Variants in LAMA2 observed in about 807,000 individuals in gnomAD.
LAMA2 encodes the protein laminin subunit alpha-2.
A neutral mutation model predicts 364.8 loss-of-function variants in LAMA2; 269 were observed. That is an observed-to-expected ratio of 0.74 (90% CI 0.67 to 0.82). LAMA2 has a LOEUF of 0.82. LAMA2 is among the 40% of genes least tolerant of loss of function. LAMA2 has a pLI of 0.00. For synonymous variants in LAMA2, 1,379 were observed against 1,370.6 expected (o/e 1.01, Z -0.14); for missense variants, 3,807 against 3,873.2 (o/e 0.98, Z 0.45).
intron 3 of LAMA2, among the ~76,000 whole-genome samples, chr6:129,086,683 T>C (rs1431775149): frequency 1.3e-5 from 2 of 152,220 alleles, no homozygotes; most frequent in Non-Finnish European, 2.9e-5. Flanking sequence ...TAGCACAAAT[T>C]ACCTAGTGTA....
At chr6:129,137,224 A>G (rs977265940) in intron 4 of LAMA2, among the ~76,000 whole-genome samples, 1 of 151,404 alleles carries the variant, frequency 6.6e-6, no homozygotes, top group Admixed American at 6.6e-5. Context: ...TGGTTGTTCT[A>G]TTTGGTCGTG....
intron 40 of LAMA2, among the ~76,000 whole-genome samples, chr6:129,423,094 C>T (rs1454083962): frequency 6.6e-6 from 1 of 151,920 alleles, no homozygotes; most frequent in Non-Finnish European, 1.5e-5. Context: ...TATATAATCA[C>T]CTCAATTGAT....
At chr6:129,288,680 A>G (rs142308738) in intron 19 of LAMA2, among the ~76,000 whole-genome samples, 13 of 152,284 alleles carry the variant, frequency 8.5e-5, no homozygotes, top group Admixed American at 7.2e-4. Context: ...CTTCATCCAT[A>G]TTAGTATAAT....
chr6:129,338,400 GATA>G (rs1776074931), intron 29 of LAMA2, among the ~76,000 whole-genome samples: 1 of 152,092 alleles, frequency 6.6e-6, no homozygotes, highest in African/African-American at 2.4e-5. Context: ...ATAATTCATA[GATA>G]ATTATTTTAT....
intron 45 of LAMA2, among the ~76,000 whole-genome samples, chr6:129,451,770 A>C (rs1274996379): frequency 6.6e-6 from 1 of 152,098 alleles, no homozygotes; most frequent in East Asian, 1.9e-4. Flanking sequence ...TACTTGCATG[A>C]CCCTTGGAGA....
rs1252518737 is a variant in LAMA2 at position 129,380,589 on chromosome 6, C to T, written c.4960-2533C>T. Among the ~76,000 whole-genome samples, 4 of 152,138 alleles carry T rather than the reference C, an allele frequency of 2.6e-5. No individual in the cohort carries two copies. In the East Asian group the frequency reaches 7.7e-4, roughly 29 times the overall value. On this transcript the variant is annotated intron_variant, in intron 34 of 64. Transcript: ENST00000421865. ...AGGTAGCACCCTGGGAATGGCCACG[C>T]TAAGGAGAAGCACTTAAACTGAAAG...
At chr6:128,992,286 AAAT>A (rs1281325702) in intron 1 of LAMA2, among the ~76,000 whole-genome samples, 4 of 152,218 alleles carry the variant, frequency 2.6e-5, no homozygotes, top group Non-Finnish European at 4.4e-5. Context: ...AATTTTTATG[AAAT>A]AATAAAAACC....
chr6:128,968,527 T>C (rs1315143946), intron 1 of LAMA2, among the ~76,000 whole-genome samples: 1 of 151,704 alleles, frequency 6.6e-6, no homozygotes, highest in Non-Finnish European at 1.5e-5. Context: ...GATCATGGGG[T>C]GGGAGTTAAT....
chr6:128,930,754 A>T (rs553389327), intron 1 of LAMA2, among the ~76,000 whole-genome samples: 4 of 152,214 alleles, frequency 2.6e-5, no homozygotes, highest in Admixed American at 2.6e-4. Flanking sequence ...TATCATATTA[A>T]TCTTTCTGAA....
chr6:129,164,318 C>T (rs1779612565), intron 8 of LAMA2, among the ~76,000 whole-genome samples: 1 of 152,188 alleles, frequency 6.6e-6, no homozygotes. Flanking sequence ...TTCAAAATGA[C>T]ATGCAAATTA....
chr6:129,491,294 A>G (rs1235256775), intron 56 of LAMA2, among the ~76,000 whole-genome samples: 3 of 152,248 alleles, frequency 2.0e-5, no homozygotes, highest in South Asian at 2.1e-4. Context: ...GAGGTTCTCA[A>G]TTAGCAGTGT....
chr6:128,917,864 G>C (rs925121214), intron 1 of LAMA2, among the ~76,000 whole-genome samples: 2 of 150,424 alleles, frequency 1.3e-5, no homozygotes, highest in Admixed American at 6.6e-5. Context: ...CTCTTCACTA[G>C]CTGGGACTAC....
In LAMA2 at chr6:128,992,052, A is replaced by G. The variant is rs188197356; in HGVS notation, c.113-57866A>G. Among the ~76,000 whole-genome samples the G allele has an allele frequency of 7.4e-4, 113 of 152,370 alleles. 1 individual carries two copies. The highest frequency in any genetic ancestry group is 2.5e-3 in the African/African-American group (105 of 41,600). ...TACGGTCAACTGTTTAAAACGTCAG[A>G]TGCAATGATAGAGCCTTAGCATTTA... On this transcript the variant is annotated intron_variant, in intron 1 of 64. Coordinates refer to ENST00000421865, the MANE Select transcript of LAMA2 (RefSeq NM_000426.4).
intron 12 of LAMA2, among the ~76,000 whole-genome samples, chr6:129,198,901 C>A (rs1782009272): frequency 6.6e-6 from 1 of 152,052 alleles, no homozygotes; most frequent in African/African-American, 2.4e-5. Flanking sequence ...TAACTCCAAG[C>A]CTATTGATTT....
At chr6:129,337,942 G>A (rs191378614) in intron 29 of LAMA2, among the ~76,000 whole-genome samples, 2 of 152,172 alleles carry the variant, frequency 1.3e-5, no homozygotes, top group East Asian at 3.9e-4. Flanking sequence ...TGTCAAAAAA[G>A]TTTCAAAAAG....
At chr6:129,227,183 A>G (rs575424869) in intron 12 of LAMA2, among the ~76,000 whole-genome samples, 1 of 152,168 alleles carries the variant, frequency 6.6e-6, no homozygotes, top group Non-Finnish European at 1.5e-5. Flanking sequence ...CAGCTCCATC[A>G]GGTCATTTAA....
At chr6:129,117,488 G>A (rs1482517629) in intron 4 of LAMA2, among the ~76,000 whole-genome samples, 2 of 152,138 alleles carry the variant, frequency 1.3e-5, no homozygotes, top group African/African-American at 4.8e-5. Context: ...AGATGTGCAG[G>A]CAAATTCTCA....
At chr6:129,154,798 T>A in intron 8 of LAMA2, 115 bp downstream of exon 8, 4 of 843,330 alleles carry the variant, frequency 4.7e-6, no homozygotes, top group Non-Finnish European at 7.6e-6. Context: ...AACTTCAAAT[T>A]AAAAGGTAAG....
Position 129,514,370 on chromosome 6 carries a change from C to A in LAMA2, c.8989-3C>A. 2 of 1,604,996 alleles carry A rather than the reference C, an allele frequency of 1.2e-6. No individual in the cohort carries two copies. The highest frequency in any genetic ancestry group is 1.7e-4 in the Middle Eastern group (1 of 6,038). ...TGTGACTGTTCTATTTCCTACTTTC[C>A]AGTTGATGTTTCATGTGGACAATGG... On this transcript the variant is annotated splice_region_variant and splice_polypyrimidine_tract_variant and intron_variant, in intron 63 of 64. Coordinates refer to ENST00000421865, the MANE Select transcript of LAMA2 (RefSeq NM_000426.4).
Sources: allele counts gnomAD v4.1 joint callset (sites outside exome capture counted in the v4.1 genomes callset), GRCh38; gene constraint gnomAD v4.1.1; transcripts MANE v1.5; gene names NCBI Gene and HGNC (gene_info 2026-07-23, HGNC 2026-07-21).